Variants in ROBO1 observed in about 807,000 individuals in gnomAD.
ROBO1 encodes roundabout guidance receptor 1.
Under a neutral mutation model 195.9 loss-of-function variants are expected in ROBO1, and 149 were observed. That is an observed-to-expected ratio of 0.76 (90% CI 0.67 to 0.87). The LOEUF (loss-of-function observed/expected upper bound fraction) is 0.87, where lower values mean the gene tolerates loss of function less well. ROBO1 is among the 40% of genes least tolerant of loss of function. ROBO1 has a pLI of 0.00. For synonymous variants in ROBO1, 816 were observed against 733.2 expected (o/e 1.11, Z -1.82); for missense variants, 1,933 against 2,068.3 (o/e 0.93, Z 1.27).
Position 78,938,632 on chromosome 3 carries a change from A to G in ROBO1, c.468T>C (p.Ala156=), listed in dbSNP as rs2107684966. The G allele has an allele frequency of 6.2e-7, 1 of 1,612,854 alleles. No individual in the cohort carries two copies. Among genetic ancestry groups the G allele is most frequent in the East Asian group, 2.2e-5 (1 of 44,846 alleles). Residue 156 remains alanine (A), a synonymous_variant, in exon 4 of 31, where the codon GCT becomes GCC. Transcript: ENST00000464233. The part of the protein sequence containing the change: ...VCVARNYLGE[A]VSHNASLEVA... Reference sequence around the variant, plus strand: ...CTTCCAGCGATGCATTGTGGCTCACAGCCTCTCCAAGGTAATTCCTTGCTA... The same window carrying G: ...CTTCCAGCGATGCATTGTGGCTCACGGCCTCTCCAAGGTAATTCCTTGCTA...
intron 2 of ROBO1, among the ~76,000 whole-genome samples, chr3:79,145,378 CA>C (rs1412199792): frequency 7.4e-4 from 111 of 150,178 alleles, no homozygotes; most frequent in African/African-American, 2.6e-3. Flanking sequence ...CACATACACA[CA>C]CACACACACA....
intron 3 of ROBO1, among the ~76,000 whole-genome samples, chr3:79,080,710 T>G (rs1401313528): frequency 6.6e-6 from 1 of 152,134 alleles, no homozygotes; most frequent in Admixed American, 6.6e-5. Context: ...ATGGCCGCTC[T>G]AATTCATGCA....
At chr3:79,758,951 C>A (rs1397618650) in intron 1 of ROBO1, among the ~76,000 whole-genome samples, 2 of 152,068 alleles carry the variant, frequency 1.3e-5, no homozygotes, top group East Asian at 1.9e-4. Context: ...TGGAAGAAAT[C>A]AAAATTATTG....
intron 2 of ROBO1, among the ~76,000 whole-genome samples, chr3:79,191,827 AC>A (rs1442128824): frequency 1.3e-5 from 2 of 151,460 alleles, no homozygotes; most frequent in East Asian, 1.9e-4. Context: ...ATTCTCCAAA[AC>A]ATCACATTAT....
At chr3:79,730,628 T>C (rs753949765) in intron 1 of ROBO1, among the ~76,000 whole-genome samples, 5 of 152,172 alleles carry the variant, frequency 3.3e-5, no homozygotes, top group Non-Finnish European at 5.9e-5. Context: ...TCATTTCATT[T>C]CATTTCATTA....
intron 1 of ROBO1, among the ~76,000 whole-genome samples, chr3:79,700,633 T>C (rs1018774098): frequency 4.0e-5 from 6 of 151,718 alleles, no homozygotes; most frequent in African/African-American, 1.5e-4. Flanking sequence ...TTAATGATGC[T>C]GAACACTTTT....
intron 3 of ROBO1, among the ~76,000 whole-genome samples, chr3:79,002,873 C>T (rs1210653289): frequency 6.6e-6 from 1 of 152,034 alleles, no homozygotes; most frequent in Non-Finnish European, 1.5e-5. Flanking sequence ...ATGTGGCCCA[C>T]TGTATTGCTC....
chr3:79,014,011 A>G (rs1471430842), intron 3 of ROBO1, among the ~76,000 whole-genome samples: 1 of 152,212 alleles, frequency 6.6e-6, no homozygotes, highest in Non-Finnish European at 1.5e-5. Flanking sequence ...TCAATATTCT[A>G]AAGTCTTATC....
At chr3:79,504,430 C>G (rs1456680186) in intron 2 of ROBO1, among the ~76,000 whole-genome samples, 1 of 151,692 alleles carries the variant, frequency 6.6e-6, no homozygotes, top group Non-Finnish European at 1.5e-5. Flanking sequence ...CTGATGTTTC[C>G]TATGAAGAAT....
chr3:78,787,013 C>T (rs2108507277), intron 4 of ROBO1, among the ~76,000 whole-genome samples: 1 of 152,256 alleles, frequency 6.6e-6, no homozygotes, highest in Middle Eastern at 3.4e-3. Context: ...AGTGGTTCTC[C>T]ACCTTCAGTT....
At chr3:78,993,622 T>C (rs1221380790) in intron 3 of ROBO1, among the ~76,000 whole-genome samples, 1 of 152,148 alleles carries the variant, frequency 6.6e-6, no homozygotes, top group Non-Finnish European at 1.5e-5. Flanking sequence ...CTAGACCTCG[T>C]CATCTCACCC....
At chr3:79,301,061 C>A (rs903030495) in intron 2 of ROBO1, among the ~76,000 whole-genome samples, 2 of 152,120 alleles carry the variant, frequency 1.3e-5, no homozygotes, top group African/African-American at 4.8e-5. Flanking sequence ...TCTCGGGTCA[C>A]CTTCCACGCT....
At chr3:79,019,438 C>G (rs1223225942) in intron 3 of ROBO1, 2 of 986,166 alleles carry the variant, frequency 2.0e-6, no homozygotes, top group Non-Finnish European at 2.4e-6. Context: ...TGCTCTCACG[C>G]TGCCTCCTCT....
intron 1 of ROBO1, among the ~76,000 whole-genome samples, chr3:79,755,509 T>C (rs1413670190): frequency 6.6e-6 from 1 of 152,154 alleles, no homozygotes; most frequent in African/African-American, 2.4e-5. Context: ...GGGCAGTCAG[T>C]CTCAGGGAGG....
intron 2 of ROBO1, among the ~76,000 whole-genome samples, chr3:79,586,844 G>T (rs375282670): frequency 6.6e-6 from 1 of 151,780 alleles, no homozygotes; most frequent in African/African-American, 2.4e-5. Flanking sequence ...AAGTCAAGAC[G>T]TGGCATAGTC....
chr3:79,463,778 T>C (rs1937789700), intron 2 of ROBO1, among the ~76,000 whole-genome samples: 1 of 152,212 alleles, frequency 6.6e-6, no homozygotes. Flanking sequence ...AAATGTTTTA[T>C]TCTTATGTAA....
intron 2 of ROBO1, among the ~76,000 whole-genome samples, chr3:79,405,629 A>C (rs2106813346): frequency 6.6e-6 from 1 of 152,326 alleles, no homozygotes; most frequent in African/African-American, 2.4e-5. Flanking sequence ...TATCTGATCA[A>C]CATTGCAAGA....
At chr3:78,674,750 T>G (rs919443694) in intron 10 of ROBO1, among the ~76,000 whole-genome samples, 2 of 152,200 alleles carry the variant, frequency 1.3e-5, no homozygotes, top group Non-Finnish European at 1.5e-5. Context: ...AGTTGGCACA[T>G]GAAAACCTTT....
intron 2 of ROBO1, among the ~76,000 whole-genome samples, chr3:79,586,712 G>A (rs1437600817): frequency 2.6e-5 from 4 of 151,430 alleles, no homozygotes; most frequent in African/African-American, 9.7e-5. Flanking sequence ...TGAAATATAT[G>A]CTTTAATAAC....
Sources: allele counts gnomAD v4.1 joint callset (sites outside exome capture counted in the v4.1 genomes callset), GRCh38; gene constraint gnomAD v4.1.1; transcripts MANE v1.5; gene names NCBI Gene and HGNC (gene_info 2026-07-23, HGNC 2026-07-21).